BARHL1: variants seen among roughly 807,000 people sequenced by gnomAD.
BARHL1 encodes the protein BarH like homeobox 1.
In BARHL1, 2 loss-of-function variants were observed where a neutral mutation model predicts 20.1. That is an observed-to-expected ratio of 0.10 (90% CI 0.04 to 0.31). BARHL1 has a LOEUF of 0.31. Ranked by LOEUF, BARHL1 falls within the 10% of genes least tolerant of loss-of-function variation. The pLI is 1.00. For missense variants in BARHL1, 397 were observed against 454.0 expected (o/e 0.87, Z 1.14); for synonymous variants, 213 against 209.9 (o/e 1.01, Z -0.13).
chr9:132,583,037 C>T lies in BARHL1; in HGVS notation c.240C>T (p.Pro80=), dbSNP rs759527271. 21 of 1,613,712 alleles carry T rather than the reference C, an allele frequency of 1.3e-5. No individual in the cohort carries two copies. The South Asian group carries it at 2.0e-4, about 15-fold the overall frequency. The part of the protein sequence containing the change: ...SGPGLDSHLQ[P]GQLSAPAQSR... ...CAGGTTTGGACTCCCACCTGCAGCC[C>T]GGGCAGCTCTCAGCCCCGGCCCAGT... The change falls in exon 1 of 3, where the codon CCC becomes CCT. Residue 80 remains proline, a synonymous_variant. Coordinates refer to ENST00000263610, the MANE Select transcript of BARHL1 (RefSeq NM_020064.4).
Position 132,589,590 on chromosome 9 carries a change from GGC to G in BARHL1, c.*71_*72del. On this transcript the variant is annotated 3_prime_UTR_variant, in exon 3 of 3. Coordinates refer to ENST00000263610, the MANE Select transcript of BARHL1 (RefSeq NM_020064.4). ...GGCCCCTTCCGCCCGCCTTTCTGAGGGCGCAGGTTCGACGCCCTTTCCCGGGA... is the reference window on the plus strand; with the variant it reads ...GGCCCCTTCCGCCCGCCTTTCTGAGGGCAGGTTCGACGCCCTTTCCCGGGA... 1 of 1,238,622 alleles carries G rather than the reference GGC, an allele frequency of 8.1e-7. No individual in the cohort carries two copies. The allele number at this position is 1,238,622 out of a possible 1,614,324, so 76.7% of individuals were successfully genotyped here. A position where few individuals can be genotyped will look rare whatever the true frequency, so the allele number is the denominator to read the frequency against.
At chr9:132,586,723 A>G (rs1830148250) in intron 1 of BARHL1, among the ~76,000 whole-genome samples, 1 of 152,278 alleles carries the variant, frequency 6.6e-6, no homozygotes, top group Non-Finnish European at 1.5e-5. Context: ...CTGTGTAGGT[A>G]GCGAGTGTCG....
intron 1 of BARHL1, among the ~76,000 whole-genome samples, chr9:132,586,966 C>A (rs909267761): frequency 6.6e-6 from 1 of 152,262 alleles, no homozygotes; most frequent in Non-Finnish European, 1.5e-5. Flanking sequence ...TGGGTCCCTT[C>A]CCCTACGCTG....
Position 132,582,893 on chromosome 9 carries a change from C to T in BARHL1, c.96C>T (p.Cys32=). The part of the protein sequence containing the change: ...LPKGDPLLGD[C]RSPLELSPRS... ...AGGGGGACCCCTTGCTCGGGGACTG[C>T]CGTTCGCCCCTGGAGCTGAGTCCAC... is the stretch of plus-strand genomic sequence containing the variant. The change falls in exon 1 of 3, where the codon TGC becomes TGT. Residue 32 remains cysteine, a synonymous_variant. Transcript: ENST00000263610. 6.2e-7 allele frequency: 1 copy of T among 1,613,286 alleles called. No homozygotes were observed. The highest frequency in any genetic ancestry group is 8.5e-7 in the Non-Finnish European group (1 of 1,179,924).
At position 132,589,760 on chromosome 9, in the gene BARHL1, C is replaced by A; in HGVS notation, c.*238C>A. 2.3e-6 allele frequency: 1 copy of A among 431,448 alleles called. No homozygotes were observed. The highest frequency in any genetic ancestry group is 3.7e-6 in the Non-Finnish European group (1 of 271,714). The allele number at this position is 431,448 out of a possible 1,614,324, so 26.7% of individuals were successfully genotyped here. ...CTCTCGCGGCCGCTCTGTCCGGGAG[C>A]CATCCCCACCCGCCGGGTGTACATA... is the stretch of plus-strand genomic sequence containing the variant. On this transcript the variant is annotated 3_prime_UTR_variant, in exon 3 of 3. Transcript: ENST00000263610.
chr9:132,585,015 T>G (rs543964067), intron 1 of BARHL1, among the ~76,000 whole-genome samples: 1 of 152,264 alleles, frequency 6.6e-6, no homozygotes, highest in Admixed American at 6.5e-5. Context: ...CTGGAGATAG[T>G]GAGGCCCTTG....
At position 132,589,241 on chromosome 9, in the gene BARHL1, C is replaced by T. The variant is rs764549827; in HGVS notation, c.703C>T (p.Arg235Ter). The T allele has an allele frequency of 6.2e-7, 1 of 1,611,528 alleles. No individual in the cohort carries two copies. The change falls in exon 3 of 3, where the codon CGA (arginine) becomes TGA (stop). Residue 235 changes from arginine to a stop codon, truncating the protein, a stop_gained. Transcript: ENST00000263610. LOFTEE classifies it high-confidence loss of function. The part of the protein sequence containing the change: ...WYQNRRTKWK[R>*]QTAVGLELLA... ...TTCGGCCCCCAGGACTAAATGGAAGCGACAGACGGCCGTCGGGTTGGAGCT... is the reference window on the plus strand; with the variant it reads ...TTCGGCCCCCAGGACTAAATGGAAGTGACAGACGGCCGTCGGGTTGGAGCT...
intron 1 of BARHL1, among the ~76,000 whole-genome samples, chr9:132,586,490 C>G (rs1830145558): frequency 6.6e-6 from 1 of 152,262 alleles, no homozygotes; most frequent in African/African-American, 2.4e-5. Context: ...GTCTATCCTT[C>G]GACCTCAGGA....
intron 1 of BARHL1, among the ~76,000 whole-genome samples, chr9:132,586,640 G>A (rs1830146633): frequency 6.6e-6 from 1 of 152,262 alleles, no homozygotes; most frequent in Admixed American, 6.5e-5. Context: ...CGCCCAAGGG[G>A]CAAGCGAGTG....
intron 1 of BARHL1, among the ~76,000 whole-genome samples, chr9:132,586,198 T>C (rs1392410712): frequency 6.6e-6 from 1 of 152,246 alleles, no homozygotes; most frequent in Non-Finnish European, 1.5e-5. Context: ...TTAACCGGAT[T>C]ATTGTTTCCT....
intron 1 of BARHL1, 45 bp downstream of exon 1, chr9:132,583,308 A>C: frequency 4.0e-6 from 6 of 1,508,032 alleles, no homozygotes; most frequent in Non-Finnish European, 5.4e-6. Flanking sequence ...CTATGTATCT[A>C]AAAACTGACA....
chr9:132,586,007 A>G (rs566662582), intron 1 of BARHL1, among the ~76,000 whole-genome samples: 2 of 152,342 alleles, frequency 1.3e-5, no homozygotes, highest in South Asian at 4.1e-4. Flanking sequence ...TCCATGCCCA[A>G]ATATGGGGAG....
chr9:132,584,042 C>T (rs1232160215), intron 1 of BARHL1, among the ~76,000 whole-genome samples: 1 of 151,878 alleles, frequency 6.6e-6, no homozygotes, highest in Non-Finnish European at 1.5e-5. Flanking sequence ...CTTTTTACCT[C>T]TATGAATCTT....
intron 1 of BARHL1, among the ~76,000 whole-genome samples, chr9:132,584,183 G>GA (rs1277762192): frequency 3.3e-5 from 5 of 150,234 alleles, no homozygotes; most frequent in African/African-American, 9.8e-5. Flanking sequence ...AAGGGAAGAA[G>GA]AAAAAAAAAG....
At position 132,589,641 on chromosome 9, in the gene BARHL1, G is replaced by T. The variant is rs1830185838; in HGVS notation, c.*119G>T. On this transcript the variant is annotated 3_prime_UTR_variant, in exon 3 of 3. Coordinates refer to ENST00000263610, the MANE Select transcript of BARHL1 (RefSeq NM_020064.4). ...GAGGGGGCCCTGCCCGGCCCTCCCTGGCGCCCCAGCCCAGTGCCCCCCGAA... is the reference window on the plus strand; with the variant it reads ...GAGGGGGCCCTGCCCGGCCCTCCCTTGCGCCCCAGCCCAGTGCCCCCCGAA... The T allele has an allele frequency of 1.6e-6, 2 of 1,214,866 alleles. No individual in the cohort carries two copies. Among genetic ancestry groups the T allele is most frequent in the African/African-American group, 3.2e-5 (2 of 62,976 alleles). 75.3% of individuals were successfully genotyped at this position (1,214,866 alleles called of 1,614,324 possible). A position where few individuals can be genotyped will look rare whatever the true frequency, so the allele number is the denominator to read the frequency against.
chr9:132,588,986 G>A (rs977109327), intron 2 of BARHL1, among the ~76,000 whole-genome samples: 4 of 152,168 alleles, frequency 2.6e-5, no homozygotes, highest in African/African-American at 4.8e-5. Flanking sequence ...TTGAAAACCG[G>A]CCCAGACCTC....
rs200018434 is a variant in BARHL1, at chr9:132,589,267, G to A, written c.729G>A (p.Leu243=). Residue 243 remains leucine, a synonymous_variant, in exon 3 of 3, where the codon CTG becomes CTA. Transcript: ENST00000263610. The part of the protein sequence containing the change: ...WKRQTAVGLE[L]LAEAGNYSAL... ...GACAGACGGCCGTCGGGTTGGAGCT[G>A]CTGGCGGAGGCAGGCAATTACTCAG... The A allele has an allele frequency of 2.7e-5, 44 of 1,612,750 alleles. No homozygotes were observed. Among genetic ancestry groups the A allele is most frequent in the Middle Eastern group, 1.6e-4 (1 of 6,078 alleles).
rs778876265 is a variant in BARHL1, at chr9:132,587,475, G to T, written c.613G>T (p.Val205Leu). 8 of 1,612,404 alleles carry T rather than the reference G, an allele frequency of 5.0e-6. No individual in the cohort carries two copies. The highest frequency in any genetic ancestry group is 3.3e-5 in the Admixed American group (2 of 59,882). The change falls in exon 2 of 3, where the codon GTG becomes TTG. Residue 205 changes from valine (V) to leucine (L), a missense_variant. This residue lies in a region of BARHL1 where 272 missense variants were observed against 298.7 expected (regional missense o/e 0.91). Coordinates refer to ENST00000263610, the MANE Select transcript of BARHL1 (RefSeq NM_020064.4). This position sits in a 1 kb window ranked among gnomAD's most constrained non-coding sequence, Gnocchi z 5.5. ...CTTCGAGCGGCAGAAGTACCTGAGC[G>T]TGCAGGACCGCATGGAGCTCGCCGC... ...RSFERQKYLS[V>L]QDRMELAASL... is the part of the protein sequence containing the mutation.
At chr9:132,589,178 C>T in intron 2 of BARHL1, 50 bp from the exon 3 acceptor site, 1 of 1,549,630 alleles carries the variant, frequency 6.5e-7, no homozygotes, top group Non-Finnish European at 8.7e-7. Flanking sequence ...GCTGGGGTCG[C>T]TGGATGCCCT....
Sources: allele counts gnomAD v4.1 joint callset (sites outside exome capture counted in the v4.1 genomes callset), GRCh38; gene constraint gnomAD v4.1.1; regional missense constraint gnomAD v4.1.1; non-coding constraint Gnocchi (gnomAD v3.1); transcripts MANE v1.5; gene names NCBI Gene and HGNC (gene_info 2026-07-23, HGNC 2026-07-21).